EMC3: variants seen among roughly 807,000 people sequenced by gnomAD.
EMC3 encodes 30 kDa protein.
EMC3 carries 13 observed loss-of-function variants against 36.6 expected under a neutral mutation model. The ratio of observed to expected loss-of-function variants is 0.35; its 90% CI spans 0.23 to 0.56. The LOEUF (loss-of-function observed/expected upper bound fraction) is 0.56, where lower values mean the gene tolerates loss of function less well. EMC3 is among the 20% of genes least tolerant of loss of function. The pLI is 0.84. For synonymous variants in EMC3, 120 were observed against 111.9 expected (o/e 1.07, Z -0.46); for missense variants, 220 against 324.5 (o/e 0.68, Z 2.47).
intron 1 of EMC3, among the ~76,000 whole-genome samples, chr3:9,998,999 C>G (rs866914172): frequency 6.6e-6 from 1 of 152,322 alleles, no homozygotes; most frequent in Middle Eastern, 3.4e-3. Context: ...CTTAGGAGAT[C>G]TAACCACCTC....
chr3:10,000,729 A>T, intron 1 of EMC3: 1 of 472,472 alleles, frequency 2.1e-6, no homozygotes, highest in East Asian at 5.7e-5. Flanking sequence ...TTTCTTCCAT[A>T]CCCTTGGGAT....
At position 9,976,978 on chromosome 3, in the gene EMC3, C is replaced by T; in HGVS notation, c.286G>A (p.Val96Met). 1 of 1,612,440 alleles carries T rather than the reference C, an allele frequency of 6.2e-7. No individual in the cohort carries two copies. The highest frequency in any genetic ancestry group is 8.5e-7 in the Non-Finnish European group (1 of 1,179,574). Residue 96 changes from valine (V) to methionine (M), a missense_variant, in exon 3 of 8, where the codon GTG becomes ATG. Physicochemically the swap from Val to Met is conservative, Grantham distance 21. Coordinates refer to ENST00000245046, the MANE Select transcript of EMC3 (RefSeq NM_001394674.1). ...ATACCAGTCATAGGAGAAGGTGGCA[C>T]TACCTTCCGTTTAGTTTTTTTGAAA... ...GFFKKTKRKV[V>M]PPSPMTDPTM...
intron 7 of EMC3, chr3:9,969,298 A>G (rs972490427): frequency 5.4e-6 from 6 of 1,100,920 alleles, no homozygotes; most frequent in Admixed American, 5.0e-5. Flanking sequence ...CATGAAACAC[A>G]GTGAGATTTT....
At chr3:9,985,915 A>G (rs1189189388) in intron 1 of EMC3, among the ~76,000 whole-genome samples, 3 of 152,156 alleles carry the variant, frequency 2.0e-5, no homozygotes, top group East Asian at 1.9e-4. Flanking sequence ...AAATAAATAG[A>G]TAAATAAATA....
chr3:9,965,404 C>G (rs947459379), intron 7 of EMC3, among the ~76,000 whole-genome samples: 3 of 146,250 alleles, frequency 2.1e-5, no homozygotes, highest in African/African-American at 7.6e-5. Flanking sequence ...CTGGGTGACA[C>G]AGTGAGACCC....
chr3:9,973,882 C>G (rs1446396009), intron 4 of EMC3, among the ~76,000 whole-genome samples, 173 bp from the exon 5 acceptor site: 3 of 152,190 alleles, frequency 2.0e-5, no homozygotes, highest in South Asian at 2.1e-4. Context: ...CCACTCTGCT[C>G]TAGTTTCCCT....
intron 1 of EMC3, chr3:9,992,978 G>C: frequency 6.3e-7 from 1 of 1,593,760 alleles, no homozygotes; most frequent in Non-Finnish European, 8.6e-7. Context: ...TTCAAGAACA[G>C]CTGCTCCAGA....
At chr3:9,978,784 C>G (rs1238802228) in intron 1 of EMC3, among the ~76,000 whole-genome samples, 1 of 151,856 alleles carries the variant, frequency 6.6e-6, no homozygotes, top group Non-Finnish European at 1.5e-5. Flanking sequence ...TGAGCCGAGA[C>G]GACGCCATTG....
chr3:9,978,875 G>A (rs1279321784), intron 1 of EMC3, among the ~76,000 whole-genome samples: 1 of 152,014 alleles, frequency 6.6e-6, no homozygotes, highest in Non-Finnish European at 1.5e-5. Context: ...AACTGTGCTT[G>A]GCTTCCTGTC....
exon 1 of EMC3, chr3:10,011,026 A>C (rs369790361): frequency 3.9e-5 from 6 of 152,444 alleles, no homozygotes; most frequent in African/African-American, 1.4e-4. Context: ...CCCTCACCTG[A>C]GGCCTCTGGA....
At chr3:9,969,206 C>T (rs2085761350) in intron 7 of EMC3, 1 of 362,140 alleles carries the variant, frequency 2.8e-6, no homozygotes, top group Non-Finnish European at 4.1e-6. Flanking sequence ...GTGATCTGCC[C>T]ACCTTGGCCT....
intron 1 of EMC3, 23 bp downstream of exon 1, chr3:9,986,484 G>T: frequency 6.2e-7 from 1 of 1,611,862 alleles, no homozygotes; most frequent in Non-Finnish European, 8.5e-7. Flanking sequence ...TGTGAGGTAG[G>T]CTGGAGAAGG....
intron 1 of EMC3, among the ~76,000 whole-genome samples, chr3:9,983,618 G>T (rs1418823027): frequency 6.6e-6 from 1 of 151,974 alleles, no homozygotes; most frequent in Non-Finnish European, 1.5e-5. Flanking sequence ...GTTGCAGTGA[G>T]CCAAGATTGC....
intron 1 of EMC3, chr3:10,009,832 C>A (rs910650976): frequency 8.1e-4 from 124 of 152,336 alleles, no homozygotes; most frequent in African/African-American, 2.9e-3. Flanking sequence ...ACCATGTCTG[C>A]GTGGAAAGGG....
intron 1 of EMC3, chr3:10,006,388 AGTC>A (rs1431730126): frequency 6.6e-6 from 1 of 152,270 alleles, no homozygotes; most frequent in Non-Finnish European, 1.5e-5. Flanking sequence ...ACAAAAATCA[AGTC>A]GTTGTGGTGG....
intron 5 of EMC3, among the ~76,000 whole-genome samples, chr3:9,973,197 T>C (rs2085806332): frequency 1.3e-5 from 2 of 149,162 alleles, no homozygotes; most frequent in Non-Finnish European, 3.0e-5. Context: ...TTTTTGTTTG[T>C]TTGTTTGTTT....
chr3:9,992,857 AT>A, intron 1 of EMC3: 1 of 1,401,752 alleles, frequency 7.1e-7, no homozygotes, highest in Admixed American at 1.7e-5. Context: ...CTGTTTTTCT[AT>A]TATTGCATAT....
intron 7 of EMC3, chr3:9,969,370 G>C (rs2085762481): frequency 7.8e-6 from 9 of 1,147,188 alleles, no homozygotes; most frequent in Non-Finnish European, 9.7e-6. Context: ...AAGGCTCTTA[G>C]TATTGTTTTT....
intron 1 of EMC3, among the ~76,000 whole-genome samples, chr3:9,980,554 GTT>G (rs71052282): frequency 1.5e-5 from 2 of 130,894 alleles, no homozygotes; most frequent in Non-Finnish European, 1.6e-5. Context: ...TGTTTTTTTT[GTT>G]TTTTTTTTTT....
Sources: gnomAD v4.1 joint callset for allele counts (sites outside exome capture counted in the v4.1 genomes callset) on GRCh38, gnomAD v4.1.1 for gene constraint, MANE v1.5 for transcripts, NCBI Gene and HGNC (gene_info 2026-07-23, HGNC 2026-07-21) for gene names.